The following NRCAM variants were observed in gnomAD, a reference collection of about 807,000 sequenced individuals.
The protein encoded by NRCAM is NgCAM-related cell adhesion molecule.
NRCAM carries 83 observed loss-of-function variants against 156.5 expected under a neutral mutation model. The observed-to-expected ratio is 0.53, with a 90% CI of 0.44 to 0.64. The LOEUF is 0.64. Among genes scored for constraint, NRCAM ranks in the 30% least tolerant of loss-of-function variants. The pLI, the probability that NRCAM is intolerant of heterozygous loss-of-function variation, is 0.00. For missense variants in NRCAM, 1,417 were observed against 1,597.3 expected (o/e 0.89, Z 1.92); for synonymous variants, 538 against 563.9 (o/e 0.95, Z 0.65).
Position 108,396,401 on chromosome 7 carries a change from C to T in NRCAM, c.-174+3035G>A, listed in dbSNP as rs144137713. On this transcript the variant is annotated intron_variant, in intron 2 of 32. Transcript: ENST00000379028. ...ATTGTCTTCAAGACCACCTACAACT[C>T]GCGTGTATGTGCCGTCATTCCAAAT... Among the ~76,000 whole-genome samples, 968 of 152,278 alleles carry T rather than the reference C, an allele frequency of 6.4e-3. 4 individuals carry two copies. The highest frequency in any genetic ancestry group is 0.013 in the Admixed American group (192 of 15,280).
intron 31 of NRCAM, 40 bp downstream of exon 31, chr7:108,160,321 T>A: frequency 6.4e-7 from 1 of 1,561,014 alleles, no homozygotes; most frequent in Non-Finnish European, 8.8e-7. Context: ...AATGGATTAT[T>A]ATGTAGCATT....
Position 108,452,747 on chromosome 7 carries a change from C to A in NRCAM, c.-332+3496G>T, listed in dbSNP as rs1851915833. Among the ~76,000 whole-genome samples the A allele has an allele frequency of 1.3e-5, 2 of 152,230 alleles. 1 individual carries two copies. Among genetic ancestry groups the A allele is most frequent in the South Asian group, 4.1e-4 (2 of 4,836 alleles). ...AACTTCCTAAAGAATATGTTAGAAGCTCTACATTCCAGTTAAATTTGCTAT... is the reference window on the plus strand; with the variant it reads ...AACTTCCTAAAGAATATGTTAGAAGATCTACATTCCAGTTAAATTTGCTAT... On this transcript the variant is annotated intron_variant, in intron 1 of 32. Transcript: ENST00000379028.
rs748084948 is a variant in NRCAM, at chr7:108,232,509, G to C, written c.244C>G (p.Arg82Gly). The C allele has an allele frequency of 1.1e-5, 18 of 1,609,612 alleles. No individual in the cohort carries two copies. The highest frequency in any genetic ancestry group is 1.5e-5 in the Non-Finnish European group (18 of 1,178,368). ...GKPPPSFSWT[R>G]NGTHFDIDKD... ...TCGATGTCAAAATGAGTCCCATTAC[G>C]GGTCCAGGAAAAGCTGCCCAACACA... Residue 82 changes from arginine to glycine, a missense_variant, in exon 7 of 33, where the codon CGT becomes GGT. Physicochemically the swap from Arg to Gly is moderately radical, Grantham distance 125. This residue lies in a region of NRCAM where 1,238 missense variants were observed against 1,336.4 expected (regional missense o/e 0.93). Coordinates refer to ENST00000379028, the MANE Select transcript of NRCAM (RefSeq NM_001037132.4).
At position 108,275,945 on chromosome 7, in the gene NRCAM, G is replaced by A. The variant is rs772121431; in HGVS notation, c.-106-35775C>T. On this transcript the variant is annotated intron_variant, in intron 3 of 32. Transcript: ENST00000379028. ...TCTGGTACATCGTGTCTTTGTTCTC[G>A]TTGGTTTCAAAGAACATCTTTATTT... Among the ~76,000 whole-genome samples the A allele has an allele frequency of 3.9e-5, 6 of 151,946 alleles. 1 individual carries two copies. Among genetic ancestry groups the A allele is most frequent in the South Asian group, 4.2e-4 (2 of 4,794 alleles).
chr7:108,215,982 G>A (rs140053389), intron 11 of NRCAM, among the ~76,000 whole-genome samples: 2 of 152,298 alleles, frequency 1.3e-5, no homozygotes, highest in South Asian at 4.2e-4. Context: ...CTGCGCGTTA[G>A]TTGATGCAGT....
intron 20 of NRCAM, 109 bp downstream of exon 20, chr7:108,189,536 G>A: frequency 1.5e-6 from 1 of 667,396 alleles, no homozygotes; most frequent in East Asian, 2.8e-5. Flanking sequence ...CAGTAATGAA[G>A]CAGAGAATCC....
chr7:108,230,122 T>A (rs1409047093), intron 8 of NRCAM, among the ~76,000 whole-genome samples: 1 of 152,172 alleles, frequency 6.6e-6, no homozygotes, highest in Non-Finnish European at 1.5e-5. Flanking sequence ...CCCAACAGCT[T>A]GACTTCCTCC....
At position 108,432,166 on chromosome 7, in the gene NRCAM, A is replaced by G. The variant is rs114989112; in HGVS notation, c.-332+24077T>C. ...TTACAGAATGTTTACCGTCTCAACC[A>G]CTAAATCTTTATCCTATGTCCACTA... On this transcript the variant is annotated intron_variant, in intron 1 of 32. Coordinates refer to ENST00000379028, the MANE Select transcript of NRCAM (RefSeq NM_001037132.4). 6.0e-3 allele frequency among the ~76,000 whole-genome samples: 910 copies of G among 152,338 alleles called. 12 individuals are homozygous for G. Among genetic ancestry groups the G allele is most frequent in the African/African-American group, 0.02 (852 of 41,572 alleles).
At chr7:108,421,912 C>G (rs757440959) in intron 1 of NRCAM, among the ~76,000 whole-genome samples, 3 of 152,202 alleles carry the variant, frequency 2.0e-5, no homozygotes, top group African/African-American at 7.2e-5. Flanking sequence ...TGTCTAACAG[C>G]AGGCAAAAGA....
chr7:108,261,121 G>T (rs1358659446), intron 3 of NRCAM, among the ~76,000 whole-genome samples: 5 of 152,074 alleles, frequency 3.3e-5, no homozygotes, highest in Non-Finnish European at 7.4e-5. Flanking sequence ...ATTTTGTCTG[G>T]GTCCAAGCTG....
intron 3 of NRCAM, among the ~76,000 whole-genome samples, chr7:108,297,220 T>C (rs2098468954): frequency 6.6e-6 from 1 of 152,236 alleles, no homozygotes; most frequent in Non-Finnish European, 1.5e-5. Flanking sequence ...CTGTTCTTTT[T>C]GAAGAGTATT....
chr7:108,410,381 G>T (rs1461452180), intron 1 of NRCAM, among the ~76,000 whole-genome samples: 1 of 152,138 alleles, frequency 6.6e-6, no homozygotes, highest in Non-Finnish European at 1.5e-5. Context: ...AAGACTAGGG[G>T]ATAATTTTCT....
intron 2 of NRCAM, among the ~76,000 whole-genome samples, chr7:108,363,620 G>A (rs1239449758): frequency 6.6e-6 from 1 of 152,154 alleles, no homozygotes; most frequent in Non-Finnish European, 1.5e-5. Context: ...GAAGGATTGG[G>A]TAGTCTCTTT....
At chr7:108,391,718 A>G (rs1015312381) in intron 2 of NRCAM, among the ~76,000 whole-genome samples, 4 of 152,042 alleles carry the variant, frequency 2.6e-5, no homozygotes, top group African/African-American at 7.2e-5. Context: ...GGTGCCGGTT[A>G]TTCCTTTCCA....
intron 3 of NRCAM, among the ~76,000 whole-genome samples, chr7:108,299,029 C>T (rs1383049877): frequency 1.4e-5 from 2 of 142,324 alleles, no homozygotes; most frequent in Admixed American, 1.5e-4. Context: ...TCGCTTGAAC[C>T]CAGGAGGCAG....
intron 3 of NRCAM, among the ~76,000 whole-genome samples, chr7:108,280,235 T>A (rs1328410321): frequency 2.6e-5 from 4 of 152,246 alleles, no homozygotes; most frequent in Admixed American, 6.5e-5. Flanking sequence ...GCGAATGAAC[T>A]TAGAAGCGCT....
At position 108,238,747 on chromosome 7, in the gene NRCAM, A is replaced by C. The variant is rs573372188; in HGVS notation, c.107-978T>G. 5.3e-5 allele frequency among the ~76,000 whole-genome samples: 8 copies of C among 152,276 alleles called. No homozygotes were observed. The South Asian group carries it at 1.0e-3, about 20-fold the overall frequency. On this transcript the variant is annotated intron_variant, in intron 4 of 32. Transcript: ENST00000379028. Reference sequence around the variant, plus strand: ...CATTCCCACTCCAATGGGCTTAAGCAATTGTATATTTTTTTGAAAATTGAA... The same window carrying C: ...CATTCCCACTCCAATGGGCTTAAGCCATTGTATATTTTTTTGAAAATTGAA...
chr7:108,232,576 C>T, intron 6 of NRCAM, 54 bp from the exon 7 acceptor site: 1 of 1,289,266 alleles, frequency 7.8e-7, no homozygotes, highest in African/African-American at 1.5e-5. Flanking sequence ...AATGGGATTA[C>T]CTTAACAAAT....
intron 1 of NRCAM, among the ~76,000 whole-genome samples, chr7:108,413,300 A>G (rs1301436771): frequency 1.3e-5 from 2 of 152,148 alleles, no homozygotes. Flanking sequence ...GCACTTTTTC[A>G]TATATCTGTT....
Sources: gnomAD v4.1 joint callset for allele counts (sites outside exome capture counted in the v4.1 genomes callset) on GRCh38, gnomAD v4.1.1 for gene constraint, gnomAD v4.1.1 regional missense constraint, MANE v1.5 for transcripts, NCBI Gene and HGNC (gene_info 2026-07-23, HGNC 2026-07-21) for gene names.